The following PAN3 variants were observed in gnomAD, a reference collection of about 807,000 sequenced individuals.
The protein encoded by PAN3 is PAN2-PAN3 deadenylation complex subunit PAN3.
In PAN3, 19 loss-of-function variants were observed where a neutral mutation model predicts 96.2. The observed-to-expected ratio is 0.20, with a 90% confidence interval of 0.14 to 0.29. PAN3 has a LOEUF of 0.29. Among genes scored for constraint, PAN3 ranks in the 10% least tolerant of loss-of-function variants. The pLI, the probability that PAN3 is intolerant of heterozygous loss-of-function variation, is 1.00. For missense variants in PAN3, 882 were observed against 1,108.1 expected (o/e 0.80, Z 2.90); for synonymous variants, 433 against 406.6 (o/e 1.06, Z -0.78).
intron 5 of PAN3, among the ~76,000 whole-genome samples, chr13:28,200,927 A>G (rs1229470887): frequency 3.9e-5 from 6 of 152,164 alleles, no homozygotes; most frequent in African/African-American, 1.4e-4. Flanking sequence ...TTTTATTGAA[A>G]TTGCTCTCAG....
At chr13:28,193,256 T>C (rs1411258781) in intron 4 of PAN3, among the ~76,000 whole-genome samples, 2 of 152,168 alleles carry the variant, frequency 1.3e-5, no homozygotes, top group Admixed American at 1.3e-4. Context: ...GGCTATTTAT[T>C]GAAAAAATTT....
chr13:28,178,936 A>C (rs937656871), intron 4 of PAN3, among the ~76,000 whole-genome samples: 5 of 152,214 alleles, frequency 3.3e-5, no homozygotes, highest in African/African-American at 1.2e-4. Flanking sequence ...ATCAGACCTC[A>C]ATAAAGTGGT....
At chr13:28,206,923 C>T (rs1321568257) in intron 5 of PAN3, among the ~76,000 whole-genome samples, 1 of 152,058 alleles carries the variant, frequency 6.6e-6, no homozygotes, top group Non-Finnish European at 1.5e-5. Flanking sequence ...CCCTCCTAGT[C>T]CTCTGCACTC....
intron 6 of PAN3, among the ~76,000 whole-genome samples, chr13:28,235,789 T>C (rs1883045306): frequency 6.6e-6 from 1 of 151,958 alleles, no homozygotes; most frequent in Non-Finnish European, 1.5e-5. Flanking sequence ...GTGGCTCGAT[T>C]GTAGCTCACT....
intron 6 of PAN3, among the ~76,000 whole-genome samples, chr13:28,233,097 G>A (rs1236503166): frequency 6.6e-6 from 1 of 151,960 alleles, no homozygotes; most frequent in East Asian, 1.9e-4. Context: ...AATTCTGAAA[G>A]GCAAATGTAT....
At chr13:28,148,345 C>T (rs1354992123) in intron 1 of PAN3, among the ~76,000 whole-genome samples, 2 of 152,040 alleles carry the variant, frequency 1.3e-5, no homozygotes, top group Non-Finnish European at 2.9e-5. Flanking sequence ...TACTGTGGTA[C>T]AATCATAGCT....
At chr13:28,196,884 TAA>T (rs1878122968) in intron 4 of PAN3, among the ~76,000 whole-genome samples, 1 of 152,192 alleles carries the variant, frequency 6.6e-6, no homozygotes, top group Non-Finnish European at 1.5e-5. Flanking sequence ...TCTTTGCTGA[TAA>T]GTTAAATTTC....
chr13:28,176,353 CACTT>C (rs1359304890), intron 2 of PAN3, 136 bp from the exon 3 acceptor site: 4 of 760,188 alleles, frequency 5.3e-6, no homozygotes, highest in Admixed American at 2.4e-5. Context: ...CAAGCAGTAA[CACTT>C]ACAGGAAGAT....
At chr13:28,171,573 A>C (rs1874310184) in intron 1 of PAN3, among the ~76,000 whole-genome samples, 1 of 152,206 alleles carries the variant, frequency 6.6e-6, no homozygotes, top group Non-Finnish European at 1.5e-5. Context: ...ATGATGGCTC[A>C]TGGAACTCAG....
chr13:28,165,498 C>CGTGTACATT (rs550250556), intron 1 of PAN3, among the ~76,000 whole-genome samples: 120 of 152,112 alleles, frequency 7.9e-4, no homozygotes, highest in African/African-American at 2.7e-3. Flanking sequence ...GTACCATTTA[C>CGTGTACATT]TAGTGTTGTG....
chr13:28,246,999 T>G (rs1234696602), intron 6 of PAN3, among the ~76,000 whole-genome samples: 1 of 152,200 alleles, frequency 6.6e-6, no homozygotes, highest in African/African-American at 2.4e-5. Flanking sequence ...ACCTCCATAC[T>G]GTTTTCCATA....
chr13:28,180,292 C>G (rs1240875238), intron 4 of PAN3, among the ~76,000 whole-genome samples: 1 of 152,132 alleles, frequency 6.6e-6, no homozygotes, highest in Non-Finnish European at 1.5e-5. Context: ...GCTTGAAGGA[C>G]TATATTTTCT....
intron 1 of PAN3, among the ~76,000 whole-genome samples, chr13:28,140,514 T>C (rs1869596925): frequency 6.6e-6 from 1 of 152,202 alleles, no homozygotes; most frequent in South Asian, 2.1e-4. Flanking sequence ...AATTGGTCTA[T>C]GAGGATTATT....
At chr13:28,241,777 C>T (rs916815981) in intron 6 of PAN3, among the ~76,000 whole-genome samples, 15 of 152,126 alleles carry the variant, frequency 9.9e-5, no homozygotes, top group Admixed American at 5.9e-4. Context: ...GTAGTAGTAG[C>T]GCATTTTTTG....
rs1221917916 is a variant in PAN3 at position 28,270,793 on chromosome 13, C to T, written c.1885C>T (p.Arg629Cys). 1.9e-6 allele frequency: 3 copies of T among 1,613,888 alleles called. No individual in the cohort carries two copies. Among genetic ancestry groups the T allele is most frequent in the Non-Finnish European group, 2.5e-6 (3 of 1,179,860 alleles). Reference sequence around the variant, plus strand: ...TATTGTCCAACTAAGTTCTGCATTGCGTACCATTCATACAGCAGGTTTGGC... The same window carrying T: ...TATTGTCCAACTAAGTTCTGCATTGTGTACCATTCATACAGCAGGTTTGGC... The part of the protein sequence containing the change: ...AYIVQLSSAL[R>C]TIHTAGLACR... Residue 629 changes from arginine to cysteine, a missense_variant, in exon 13 of 19, where the codon CGT becomes TGT. Physicochemically the swap from Arg to Cys is radical, Grantham distance 180. This residue lies in a region of PAN3 where 364 missense variants were observed against 513.6 expected (regional missense o/e 0.71). Coordinates refer to ENST00000380958, the MANE Select transcript of PAN3 (RefSeq NM_175854.8).
chr13:28,273,488 C>CAGTAA (rs1240289254), intron 14 of PAN3, among the ~76,000 whole-genome samples: 3 of 152,038 alleles, frequency 2.0e-5, no homozygotes, highest in Non-Finnish European at 4.4e-5. Context: ...TGTAGTCCAG[C>CAGTAA]TACTCAGGAG....
intron 1 of PAN3, among the ~76,000 whole-genome samples, chr13:28,159,695 A>G (rs1193213558): frequency 6.6e-6 from 1 of 151,998 alleles, no homozygotes. Flanking sequence ...TGATCCTCCC[A>G]CCTTGGCCTC....
chr13:28,230,615 G>A (rs952535211), intron 6 of PAN3, among the ~76,000 whole-genome samples: 2 of 152,086 alleles, frequency 1.3e-5, no homozygotes, highest in Admixed American at 1.3e-4. Context: ...ATAAATAAGA[G>A]GCACTTATTG....
Position 28,256,362 on chromosome 13 carries a change from CAGA to C in PAN3, c.1080_1082del (p.Arg360del), listed in dbSNP as rs751740818. 63 of 1,613,738 alleles carry C rather than the reference CAGA, an allele frequency of 3.9e-5. No homozygotes were observed. The highest frequency in any genetic ancestry group is 1.2e-4 in the Admixed American group (7 of 60,004). On this transcript the variant is annotated inframe_deletion, in exon 7 of 19. Coordinates refer to ENST00000380958, the MANE Select transcript of PAN3 (RefSeq NM_175854.8). ...TTACTCCACATACTTCTCCTGCTCCCAGAAGAAGAAGTCACACTCCAAATCCAG... is the reference window on the plus strand; with the variant it reads ...TTACTCCACATACTTCTCCTGCTCCCAGAAGAAGTCACACTCCAAATCCAG...
Sources: gnomAD v4.1 joint callset for allele counts (sites outside exome capture counted in the v4.1 genomes callset) on GRCh38, gnomAD v4.1.1 for gene constraint, gnomAD v4.1.1 regional missense constraint, MANE v1.5 for transcripts, NCBI Gene and HGNC (gene_info 2026-07-23, HGNC 2026-07-21) for gene names.